Variants in TBX15 observed in about 807,000 individuals in gnomAD.
The protein encoded by TBX15 is T-box transcription factor 15.
A neutral mutation model predicts 53.9 loss-of-function variants in TBX15; 18 were observed. The ratio of observed to expected loss-of-function variants is 0.33; its 90% confidence interval spans 0.23 to 0.49. The LOEUF (loss-of-function observed/expected upper bound fraction) is 0.49. Ranked by LOEUF, TBX15 falls within the 20% of genes least tolerant of loss-of-function variation. TBX15 has a pLI of 0.98. For missense variants in TBX15, 692 were observed against 749.5 expected (o/e 0.92, Z 0.90); for synonymous variants, 295 against 278.0 (o/e 1.06, Z -0.61).
chr1:118,945,112 A>G (rs902255292), intron 1 of TBX15, among the ~76,000 whole-genome samples: 1 of 152,210 alleles, frequency 6.6e-6, no homozygotes, highest in Non-Finnish European at 1.5e-5. Context: ...AAATGGGTTT[A>G]GTACTCTGTT....
At chr1:118,924,903 G>A (rs1571178832) in intron 3 of TBX15, 86 bp from the exon 4 acceptor site, 1 of 1,464,552 alleles carries the variant, frequency 6.8e-7, no homozygotes, top group Admixed American at 1.7e-5. Context: ...ACAGGGGAAA[G>A]GAGAGAAAAA....
intron 5 of TBX15, among the ~76,000 whole-genome samples, chr1:118,914,703 C>T (rs1051670619): frequency 2.0e-5 from 3 of 152,142 alleles, no homozygotes; most frequent in African/African-American, 7.2e-5. Flanking sequence ...TGAAGGCATG[C>T]CTTTCCTACC....
intron 6 of TBX15, among the ~76,000 whole-genome samples, chr1:118,900,798 G>A (rs1654604089): frequency 6.6e-6 from 1 of 152,148 alleles, no homozygotes; most frequent in Non-Finnish European, 1.5e-5. Context: ...AGCCTGGATG[G>A]ATAGAAGAAA....
intron 1 of TBX15, among the ~76,000 whole-genome samples, chr1:118,966,965 G>A (rs1657053042): frequency 2.0e-5 from 3 of 152,168 alleles, no homozygotes; most frequent in Admixed American, 2.0e-4. Context: ...TGATAGCTCA[G>A]CACAGACAAA....
At chr1:118,910,729 C>T (rs776609580) in intron 6 of TBX15, among the ~76,000 whole-genome samples, 34 of 152,144 alleles carry the variant, frequency 2.2e-4, no homozygotes, top group Admixed American at 1.3e-3. Context: ...TTCCAGAATG[C>T]TGAAGGACAA....
intron 1 of TBX15, among the ~76,000 whole-genome samples, chr1:118,987,214 C>A (rs1034813448): frequency 6.6e-6 from 1 of 152,208 alleles, no homozygotes; most frequent in African/African-American, 2.4e-5. Flanking sequence ...CCAGTCCTCC[C>A]GAGTTCTCAG....
intron 6 of TBX15, among the ~76,000 whole-genome samples, chr1:118,908,774 AC>A (rs1230757896): frequency 6.6e-6 from 1 of 151,922 alleles, no homozygotes; most frequent in Non-Finnish European, 1.5e-5. Context: ...ACACACACAC[AC>A]ACACTCACAC....
intron 5 of TBX15, among the ~76,000 whole-genome samples, chr1:118,915,302 TA>T (rs1171497798): frequency 6.6e-6 from 1 of 152,222 alleles, no homozygotes; most frequent in African/African-American, 2.4e-5. Flanking sequence ...CTAGGACAGC[TA>T]AAGTTGTTTC....
At chr1:118,904,378 A>G (rs1654741482) in intron 6 of TBX15, among the ~76,000 whole-genome samples, 1 of 152,186 alleles carries the variant, frequency 6.6e-6, no homozygotes, top group Non-Finnish European at 1.5e-5. Context: ...TCAGATCAAA[A>G]TATCCAGATT....
chr1:118,910,918 A>G (rs540479771), intron 6 of TBX15, among the ~76,000 whole-genome samples: 1 of 152,234 alleles, frequency 6.6e-6, no homozygotes, highest in Non-Finnish European at 1.5e-5. Flanking sequence ...GGAGTAGACT[A>G]CGAAGACAAA....
At chr1:118,907,019 G>T (rs1047813125) in intron 6 of TBX15, among the ~76,000 whole-genome samples, 1 of 152,202 alleles carries the variant, frequency 6.6e-6, no homozygotes, top group Non-Finnish European at 1.5e-5. Flanking sequence ...TATAGAATTT[G>T]AGTTTCTGGC....
intron 7 of TBX15, among the ~76,000 whole-genome samples, chr1:118,891,999 G>C (rs868295139): frequency 1.3e-5 from 2 of 152,138 alleles, no homozygotes; most frequent in Non-Finnish European, 2.9e-5. Context: ...TTAAGATAAA[G>C]CTGGAAGAGA....
At chr1:118,970,314 T>C (rs1453913419) in intron 1 of TBX15, among the ~76,000 whole-genome samples, 1 of 152,212 alleles carries the variant, frequency 6.6e-6, no homozygotes, top group Non-Finnish European at 1.5e-5. Context: ...AACAATGGCT[T>C]GGAAACCACC....
intron 2 of TBX15, among the ~76,000 whole-genome samples, chr1:118,930,302 A>G (rs1655737385): frequency 6.6e-6 from 1 of 152,366 alleles, no homozygotes; most frequent in Middle Eastern, 3.4e-3. Context: ...ATGTGAGATT[A>G]TGTACACTGG....
intron 6 of TBX15, among the ~76,000 whole-genome samples, chr1:118,903,954 T>C (rs1187880003): frequency 1.3e-5 from 2 of 152,188 alleles, no homozygotes; most frequent in African/African-American, 4.8e-5. Context: ...AGGCCAGTTA[T>C]TTAAGCTTAC....
intron 1 of TBX15, among the ~76,000 whole-genome samples, chr1:118,954,805 G>T (rs1048255304): frequency 1.3e-5 from 2 of 152,134 alleles, no homozygotes; most frequent in Non-Finnish European, 2.9e-5. Context: ...CCAAATGTTG[G>T]TATCCACAAC....
At chr1:118,930,911 T>A (rs1405238398) in intron 2 of TBX15, among the ~76,000 whole-genome samples, 1 of 152,228 alleles carries the variant, frequency 6.6e-6, no homozygotes, top group Admixed American at 6.5e-5. Context: ...CTAATCCATA[T>A]ATGGGATGAT....
intron 4 of TBX15, 106 bp downstream of exon 4, chr1:118,924,537 TGGC>T: frequency 7.9e-7 from 1 of 1,273,522 alleles, no homozygotes; most frequent in African/African-American, 1.5e-5. Flanking sequence ...TTACTTAAAG[TGGC>T]ATAGAGATTC....
chr1:118,944,601 G>A (rs1656286062), intron 1 of TBX15, among the ~76,000 whole-genome samples: 1 of 152,202 alleles, frequency 6.6e-6, no homozygotes, highest in African/African-American at 2.4e-5. Flanking sequence ...CCTTCTGAAA[G>A]AGTGGCAGTG....
Sources: allele counts gnomAD v4.1 joint callset (sites outside exome capture counted in the v4.1 genomes callset), GRCh38; gene constraint gnomAD v4.1.1; transcripts MANE v1.5; gene names NCBI Gene and HGNC (gene_info 2026-07-23, HGNC 2026-07-21).